ADAMTS15: variants seen among roughly 807,000 people sequenced by gnomAD.
ADAMTS15 encodes the protein ADAM metallopeptidase with thrombospondin type 1 motif 15.
Under a neutral mutation model 79.1 loss-of-function variants are expected in ADAMTS15, and 35 were observed. The ratio of observed to expected loss-of-function variants is 0.44; its 90% confidence interval spans 0.34 to 0.59. ADAMTS15 has a LOEUF of 0.59. Among genes scored for constraint, ADAMTS15 ranks in the 20% least tolerant of loss-of-function variants. The pLI is 0.02. For missense variants in ADAMTS15, 1,324 were observed against 1,318.7 expected, an observed-to-expected ratio of 1.00 and a Z score of -0.06; for synonymous variants, 616 against 567.3, an observed-to-expected ratio of 1.09 and a Z score of -1.22.
chr11:130,463,508 TCTC>T (rs756214802), intron 4 of ADAMTS15, among the ~76,000 whole-genome samples: 3 of 152,050 alleles, frequency 2.0e-5, no homozygotes, highest in Non-Finnish European at 4.4e-5. Context: ...AGAGGTCTGT[TCTC>T]CTCCCGGATC....
chr11:130,470,380 C>T (rs1229199780), intron 5 of ADAMTS15, among the ~76,000 whole-genome samples: 1 of 151,000 alleles, frequency 6.6e-6, no homozygotes, highest in Non-Finnish European at 1.5e-5. Flanking sequence ...CCATGCCCAG[C>T]TAATTTTTGT....
intron 5 of ADAMTS15, among the ~76,000 whole-genome samples, chr11:130,470,154 G>GTATATATATATATATGTATATATATA (rs1938401449): frequency 1.8e-5 from 1 of 55,574 alleles, no homozygotes; most frequent in Non-Finnish European, 3.3e-5. Flanking sequence ...ATATATATGT[G>GTATATATATATATATGTATATATATA]TATATATATA....
rs777171637 is a variant in ADAMTS15 at position 130,449,842 on chromosome 11, G to A, written c.869G>A (p.Arg290His). Residue 290 changes from arginine to histidine, a missense_variant, in exon 1 of 8, where the codon CGC becomes CAC. By Grantham distance (29) the Arg-to-His change is conservative. Transcript: ENST00000299164. This position sits in a 1 kb window ranked among gnomAD's most constrained non-coding sequence, Gnocchi z 7.8. ...KVTGNAALTL[R>H]NFCAWQKKLN... ...ACCGGCAATGCGGCCCTGACGCTGC[G>A]CAACTTCTGTGCCTGGCAGAAGAAG... 7 of 1,608,162 alleles carry A rather than the reference G, an allele frequency of 4.4e-6. No individual in the cohort carries two copies. The highest frequency in any genetic ancestry group is 5.9e-6 in the Non-Finnish European group (7 of 1,179,994).
In ADAMTS15 at chr11:130,473,404, CA is replaced by C. The variant is rs1384740234; in HGVS notation, c.2438del (p.Lys813ArgfsTer135). On this transcript the variant is annotated frameshift_variant, in exon 8 of 8. Coordinates refer to ENST00000299164, the MANE Select transcript of ADAMTS15 (RefSeq NM_139055.4). LOFTEE classifies it high-confidence loss of function. ...EPREDKSSHP[K>X]DPRGPSVLHN... ...CTCGGGAGGACAAGTCCTCTCATCC[CA>C]AGGACCCCCGGGGACCCTCTGTCTT... 1 of 1,612,818 alleles carries C rather than the reference CA, an allele frequency of 6.2e-7. No homozygotes were observed.
chr11:130,468,682 G>A (rs183333125), intron 4 of ADAMTS15, among the ~76,000 whole-genome samples: 7,362 of 147,804 alleles, frequency 0.05, 536 homozygotes, highest in African/African-American at 0.16. Context: ...GGAGAATGGC[G>A]TGAACCCAGG....
In ADAMTS15 at chr11:130,473,108, C is replaced by T. The variant is rs778212044; in HGVS notation, c.2140C>T (p.Arg714Cys). 6.8e-6 allele frequency: 11 copies of T among 1,614,056 alleles called. No homozygotes were observed. The highest frequency in any genetic ancestry group is 7.6e-6 in the Non-Finnish European group (9 of 1,180,042). ...CGCCTCAAGCATCGACATCCGCCAG[C>T]GCGGTTACAAAGGGCTGATCGGGGA... Reference protein sequence around the residue: ...AGASSIDIRQRGYKGLIGDDN... With the variant: ...AGASSIDIRQCGYKGLIGDDN... The change falls in exon 8 of 8, where the codon CGC (arginine) becomes TGC (cysteine). Residue 714 changes from arginine (R) to cysteine (C), a missense_variant. Transcript: ENST00000299164.
At chr11:130,459,311 T>C (rs1273044990) in intron 1 of ADAMTS15, among the ~76,000 whole-genome samples, 1 of 152,088 alleles carries the variant, frequency 6.6e-6, no homozygotes, top group Non-Finnish European at 1.5e-5. Context: ...ATTACAGGTG[T>C]GCACCATCAT....
intron 1 of ADAMTS15, among the ~76,000 whole-genome samples, chr11:130,458,440 C>T (rs566483961): frequency 9.9e-5 from 15 of 152,148 alleles, no homozygotes; most frequent in Non-Finnish European, 1.8e-4. Context: ...TTTCTGAGAG[C>T]GAGTGCTGTC....
chr11:130,473,464 G>A lies in ADAMTS15; in HGVS notation c.2496G>A (p.Val832=). The change falls in exon 8 of 8, where the codon GTG becomes GTA. Residue 832 remains valine (V), a synonymous_variant. Transcript: ENST00000299164. ...HNSVLSLSNQ[V]EQPDDRPPAR... ...GCGTCCTCAGCCTCTCCAACCAGGT[G>A]GAGCAGCCGGACGACAGGCCCCCTG... is the stretch of plus-strand genomic sequence containing the variant. 1 of 1,612,292 alleles carries A rather than the reference G, an allele frequency of 6.2e-7. No homozygotes were observed. Among genetic ancestry groups the A allele is most frequent in the Non-Finnish European group, 8.5e-7 (1 of 1,179,648 alleles).
intron 5 of ADAMTS15, among the ~76,000 whole-genome samples, chr11:130,470,176 ATATATGTG>A (rs1470484669): frequency 4.0e-4 from 23 of 56,886 alleles, no homozygotes; most frequent in African/African-American, 9.2e-4. Flanking sequence ...ATATATATAT[ATATATGTG>A]TGTATATATA....
chr11:130,456,884 C>T (rs1209141946), intron 1 of ADAMTS15, among the ~76,000 whole-genome samples: 1 of 152,178 alleles, frequency 6.6e-6, no homozygotes, highest in African/African-American at 2.4e-5. Context: ...CCTAGAACTT[C>T]AATGGAAGCA....
In ADAMTS15 at chr11:130,473,926, G is replaced by A. The variant is rs540440832; in HGVS notation, c.*105G>A. The A allele has an allele frequency of 2.1e-5, 29 of 1,396,022 alleles. No homozygotes were observed. Among genetic ancestry groups the A allele is most frequent in the East Asian group, 1.8e-4 (7 of 39,952 alleles). 86.5% of individuals were successfully genotyped at this position (1,396,022 alleles called of 1,614,324 possible). A position where few individuals can be genotyped will look rare whatever the true frequency, so the allele number is the denominator to read the frequency against. On this transcript the variant is annotated 3_prime_UTR_variant, in exon 8 of 8. Coordinates refer to ENST00000299164, the MANE Select transcript of ADAMTS15 (RefSeq NM_139055.4). ...GACGGTGGCCAGGGGCTCACGCCACGATGTCACCCACATCCGGGGACAAGG... is the reference window on the plus strand; with the variant it reads ...GACGGTGGCCAGGGGCTCACGCCACAATGTCACCCACATCCGGGGACAAGG...
chr11:130,460,627 A>G (rs908164973), intron 1 of ADAMTS15, among the ~76,000 whole-genome samples: 2 of 152,112 alleles, frequency 1.3e-5, no homozygotes, highest in African/African-American at 4.8e-5. Context: ...GTCTTATCCT[A>G]TTTCCAACTT....
chr11:130,454,861 A>G (rs1938040664), intron 1 of ADAMTS15, among the ~76,000 whole-genome samples: 1 of 152,200 alleles, frequency 6.6e-6, no homozygotes, highest in Non-Finnish European at 1.5e-5. Context: ...GTCTAGTCAG[A>G]AAGGCAAGTG....
Position 130,461,713 on chromosome 11 carries a change from G to A in ADAMTS15, c.1090+92G>A, listed in dbSNP as rs557836148. Reference sequence around the variant, plus strand: ...GTGTGTCTTTGCCCCCTTGTGTTCTGAAGCCTTAGGACCCCTTCTTAGGGC... The same window carrying A: ...GTGTGTCTTTGCCCCCTTGTGTTCTAAAGCCTTAGGACCCCTTCTTAGGGC... On this transcript the variant is annotated intron_variant, in intron 2 of 7. Coordinates refer to ENST00000299164, the MANE Select transcript of ADAMTS15 (RefSeq NM_139055.4). 3.1e-5 allele frequency: 48 copies of A among 1,544,320 alleles called. No homozygotes were observed. In the South Asian group the frequency reaches 5.5e-4, roughly 18 times the overall value.
intron 1 of ADAMTS15, among the ~76,000 whole-genome samples, chr11:130,458,132 C>T (rs1173349813): frequency 6.6e-6 from 1 of 152,236 alleles, no homozygotes; most frequent in African/African-American, 2.4e-5. Context: ...ACTTCCCAGC[C>T]ACAGAGGCGG....
In ADAMTS15 at chr11:130,471,313, G is replaced by A. The variant is rs527890967; in HGVS notation, c.2008G>A (p.Asp670Asn). The change falls in exon 7 of 8, where the codon GAC becomes AAC. Residue 670 changes from aspartate to asparagine, a missense_variant. Asp to Asn is a conservative substitution (Grantham distance 23, BLOSUM62 1). Transcript: ENST00000299164. ...GAACCTGGGCTCCAAGAAGAGATTC[G>A]ACAAGTGTGGGGTGTGTGGGGGAGA... The part of the protein sequence containing the change: ...DGNLGSKKRF[D>N]KCGVCGGDNK... 8.1e-6 allele frequency: 13 copies of A among 1,613,180 alleles called. No individual in the cohort carries two copies. Among genetic ancestry groups the A allele is most frequent in the East Asian group, 4.5e-5 (2 of 44,854 alleles).
intron 1 of ADAMTS15, among the ~76,000 whole-genome samples, chr11:130,460,500 C>T (rs190595073): frequency 3.3e-5 from 5 of 152,294 alleles, no homozygotes; most frequent in Admixed American, 3.3e-4. Flanking sequence ...TGGTCTTGAG[C>T]TCCTGACTTC....
At chr11:130,461,361 T>C in intron 1 of ADAMTS15, 128 bp from the exon 2 acceptor site, 1 of 1,332,128 alleles carries the variant, frequency 7.5e-7, no homozygotes, top group Non-Finnish European at 1.0e-6. Context: ...AGCTGGAAGG[T>C]GCTGGGCCTG....
Sources: gnomAD v4.1 joint callset for allele counts (sites outside exome capture counted in the v4.1 genomes callset) on GRCh38, gnomAD v4.1.1 for gene constraint, Gnocchi (gnomAD v3.1) non-coding constraint, MANE v1.5 for transcripts, NCBI Gene and HGNC (gene_info 2026-07-23, HGNC 2026-07-21) for gene names.